Variants in RBFOX3 observed in about 807,000 individuals in gnomAD.
RBFOX3 encodes RNA binding protein fox-1 homolog 3.
Under a neutral mutation model 48.7 loss-of-function variants are expected in RBFOX3, and 17 were observed. That is an observed-to-expected ratio of 0.35 (90% CI 0.24 to 0.52). The LOEUF (loss-of-function observed/expected upper bound fraction) is 0.52, where lower values mean the gene tolerates loss of function less well. Among genes scored for constraint, RBFOX3 ranks in the 20% least tolerant of loss-of-function variants. The pLI is 0.94. For missense variants in RBFOX3, 382 were observed against 497.5 expected (o/e 0.77, Z 2.21); for synonymous variants, 212 against 209.5 (o/e 1.01, Z -0.10).
chr17:79,230,418 C>A (rs2060881255), intron 4 of RBFOX3, among the ~76,000 whole-genome samples: 2 of 151,976 alleles, frequency 1.3e-5, no homozygotes, highest in Non-Finnish European at 2.9e-5. Flanking sequence ...CGCCACCATA[C>A]CCGGCTAATT....
At chr17:79,318,315 C>T (rs1378903) in intron 2 of RBFOX3, among the ~76,000 whole-genome samples, 1 of 152,156 alleles carries the variant, frequency 6.6e-6, no homozygotes, top group Non-Finnish European at 1.5e-5. Flanking sequence ...ACGGAGGATG[C>T]TGCTGAGCCA....
chr17:79,419,707 A>C (rs561350172), intron 2 of RBFOX3, among the ~76,000 whole-genome samples: 2 of 152,350 alleles, frequency 1.3e-5, no homozygotes, highest in South Asian at 4.1e-4. Context: ...TACGCAATGA[A>C]AAATAGGAAA....
intron 1 of RBFOX3, among the ~76,000 whole-genome samples, chr17:79,578,279 A>C (rs983759385): frequency 4.5e-4 from 68 of 152,402 alleles, no homozygotes; most frequent in African/African-American, 1.5e-3. Flanking sequence ...CAGGGCACTC[A>C]AGCCCTCCAA....
chr17:79,537,840 C>G (rs2089073019), intron 1 of RBFOX3, among the ~76,000 whole-genome samples: 1 of 152,200 alleles, frequency 6.6e-6, no homozygotes, highest in South Asian at 2.1e-4. Context: ...GTCTCTCCTA[C>G]ACCAAGTCAC....
At chr17:79,158,749 C>T (rs1434716569) in intron 4 of RBFOX3, among the ~76,000 whole-genome samples, 1 of 152,164 alleles carries the variant, frequency 6.6e-6, no homozygotes, top group East Asian at 1.9e-4. Flanking sequence ...ATGGAGGTGG[C>T]CAGGACAGGA....
intron 4 of RBFOX3, among the ~76,000 whole-genome samples, chr17:79,182,500 G>T (rs985660036): frequency 1.6e-4 from 25 of 152,232 alleles, no homozygotes; most frequent in Non-Finnish European, 1.6e-4. Context: ...CACTAATTCC[G>T]CATTGGGTGG....
At chr17:79,210,150 G>T (rs534222131) in intron 4 of RBFOX3, among the ~76,000 whole-genome samples, 5 of 152,346 alleles carry the variant, frequency 3.3e-5, no homozygotes, top group Admixed American at 2.0e-4. Flanking sequence ...GTACCTGCCT[G>T]GGGGGAGGGA....
intron 1 of RBFOX3, among the ~76,000 whole-genome samples, chr17:79,595,940 C>T (rs2093557923): frequency 1.3e-5 from 2 of 152,244 alleles, no homozygotes; most frequent in African/African-American, 4.8e-5. Context: ...GCGTACTCCC[C>T]TGTGGACGGG....
chr17:79,438,152 C>T (rs919012733), intron 2 of RBFOX3, among the ~76,000 whole-genome samples: 4 of 152,258 alleles, frequency 2.6e-5, no homozygotes, highest in African/African-American at 9.6e-5. Context: ...AATGCAGCTG[C>T]AGTGACCTTC....
chr17:79,301,524 C>T (rs1357919028), intron 3 of RBFOX3, among the ~76,000 whole-genome samples: 9 of 152,260 alleles, frequency 5.9e-5, no homozygotes, highest in Admixed American at 5.9e-4. Flanking sequence ...AGGCCATCCA[C>T]AGGCCAGTCT....
chr17:79,635,320 C>A, the RBFOX3 span, among the ~76,000 whole-genome samples: 1 of 152,058 alleles, frequency 6.6e-6, no homozygotes, highest in Non-Finnish European at 1.5e-5. Context: ...TGCTCAAAGG[C>A]ATCACGTGGC....
At chr17:79,245,021 T>C (rs779231807) in intron 3 of RBFOX3, among the ~76,000 whole-genome samples, 1 of 147,958 alleles carries the variant, frequency 6.8e-6, no homozygotes, top group Non-Finnish European at 1.5e-5. Flanking sequence ...CCCTCCTTCC[T>C]TCTTTCTTTC....
the RBFOX3 span, among the ~76,000 whole-genome samples, chr17:79,646,079 C>T: frequency 6.6e-6 from 1 of 152,130 alleles, no homozygotes; most frequent in African/African-American, 2.4e-5. Flanking sequence ...AGTTAGTGGG[C>T]TTCGGGATCT....
At chr17:79,631,862 C>T in the RBFOX3 span, among the ~76,000 whole-genome samples, 9 of 152,184 alleles carry the variant, frequency 5.9e-5, no homozygotes, top group African/African-American at 1.7e-4. Context: ...CCTGGAGTGT[C>T]GTTTATAATT....
At chr17:79,534,113 C>G (rs894148608) in intron 1 of RBFOX3, among the ~76,000 whole-genome samples, 15 of 152,200 alleles carry the variant, frequency 9.9e-5, no homozygotes, top group Admixed American at 5.9e-4. Flanking sequence ...AACACAGAAA[C>G]TTGCAATTAA....
chr17:79,572,777 G>A (rs908387395), intron 1 of RBFOX3, among the ~76,000 whole-genome samples: 1 of 152,214 alleles, frequency 6.6e-6, no homozygotes, highest in Non-Finnish European at 1.5e-5. Flanking sequence ...AAGCTCAGCT[G>A]CTCATTAGGG....
chr17:79,144,179 C>T (rs1235056604), intron 4 of RBFOX3, among the ~76,000 whole-genome samples: 1 of 152,182 alleles, frequency 6.6e-6, no homozygotes, highest in African/African-American at 2.4e-5. Flanking sequence ...CCTCCCCCTG[C>T]CTCTGAGCCA....
intron 4 of RBFOX3, among the ~76,000 whole-genome samples, chr17:79,119,723 G>A (rs2035167746): frequency 1.3e-5 from 2 of 152,284 alleles, no homozygotes; most frequent in African/African-American, 2.4e-5. Flanking sequence ...TGACTCAGGG[G>A]GTCTTAGGGT....
At chr17:79,547,003 G>A (rs1470564769) in intron 1 of RBFOX3, among the ~76,000 whole-genome samples, 1 of 152,068 alleles carries the variant, frequency 6.6e-6, no homozygotes, top group East Asian at 1.9e-4. Context: ...CTACTCAGCA[G>A]GGGCTCTGCT....
Sources: gnomAD v4.1 joint callset for allele counts (sites outside exome capture counted in the v4.1 genomes callset) on GRCh38, gnomAD v4.1.1 for gene constraint, MANE v1.5 for transcripts, NCBI Gene and HGNC (gene_info 2026-07-23, HGNC 2026-07-21) for gene names.